Variants in HAO2 observed in about 807,000 individuals in gnomAD.
HAO2 encodes the protein hydroxyacid oxidase 2.
In HAO2, 42 loss-of-function variants were observed where a neutral mutation model predicts 37.4. That is an observed-to-expected ratio of 1.12 (90% CI 0.88 to 1.45). The LOEUF is 1.45. Among genes scored for constraint, HAO2 ranks in the 40% most tolerant of loss-of-function variants. The pLI is 0.00. For missense variants in HAO2, 476 were observed against 430.2 expected (o/e 1.11, Z -0.94); for synonymous variants, 180 against 162.8 (o/e 1.11, Z -0.81).
chr1:119,391,352 A>G (rs587773136), intron 5 of HAO2, among the ~76,000 whole-genome samples: 1 of 152,220 alleles, frequency 6.6e-6, no homozygotes, highest in East Asian at 1.9e-4. Flanking sequence ...ACTCCTCTTT[A>G]CAGACTTGTA....
chr1:119,387,326 A>G (rs1479602068), intron 5 of HAO2, among the ~76,000 whole-genome samples: 1 of 152,312 alleles, frequency 6.6e-6, no homozygotes, highest in East Asian at 1.9e-4. Flanking sequence ...GAGGGCAAGA[A>G]AGTGAGAGAA....
chr1:119,385,868 TG>T, intron 4 of HAO2: 1 of 985,022 alleles, frequency 1.0e-6, no homozygotes, highest in Non-Finnish European at 1.2e-6. Flanking sequence ...GATTTATAAA[TG>T]TTTGATGTAC....
intron 2 of HAO2, among the ~76,000 whole-genome samples, 174 bp downstream of exon 2, chr1:119,381,390 G>A (rs1166255900): frequency 6.6e-6 from 1 of 152,078 alleles, no homozygotes; most frequent in African/African-American, 2.4e-5. Flanking sequence ...GAGGGCTGAT[G>A]GGAAGATGGA....
chr1:119,378,239 C>G (rs1369171429), intron 1 of HAO2, among the ~76,000 whole-genome samples: 1 of 152,074 alleles, frequency 6.6e-6, no homozygotes, highest in Non-Finnish European at 1.5e-5. Flanking sequence ...GAGACTCCAT[C>G]TCAAAATAAA....
chr1:119,380,174 C>A (rs1163577178), intron 1 of HAO2, among the ~76,000 whole-genome samples: 1 of 152,132 alleles, frequency 6.6e-6, no homozygotes, highest in Non-Finnish European at 1.5e-5. Flanking sequence ...TAACTGAAAG[C>A]AACTAGTGTC....
At chr1:119,372,522 T>A (rs1306691248) in intron 1 of HAO2, among the ~76,000 whole-genome samples, 1 of 152,202 alleles carries the variant, frequency 6.6e-6, no homozygotes, top group Non-Finnish European at 1.5e-5. Context: ...AAGATTTCCC[T>A]GAGAAAGGCA....
At chr1:119,380,294 C>A (rs1460681603) in intron 1 of HAO2, among the ~76,000 whole-genome samples, 1 of 152,124 alleles carries the variant, frequency 6.6e-6, no homozygotes, top group Non-Finnish European at 1.5e-5. Context: ...TCAAAAGTAC[C>A]AAGCTCTGCG....
chr1:119,386,837 T>A lies in HAO2; in HGVS notation c.771+6T>A. The A allele has an allele frequency of 6.4e-7, 1 of 1,567,840 alleles. No individual in the cohort carries two copies. The highest frequency in any genetic ancestry group is 2.2e-5 in the East Asian group (1 of 44,574). ...TTGATGAGGTTCTTGCTTCAGTAAG[T>A]AGGATTACTTCAGAGAAGGGTGTGT... On this transcript the variant is annotated splice_donor_region_variant and intron_variant, in intron 5 of 7. Transcript: ENST00000325945.
intron 7 of HAO2, among the ~76,000 whole-genome samples, chr1:119,393,414 C>G (rs587726049): frequency 6.6e-6 from 1 of 152,296 alleles, no homozygotes; most frequent in South Asian, 2.1e-4. Flanking sequence ...CACCCCATCT[C>G]TTTTGCTATC....
At chr1:119,388,754 A>T (rs1650588456) in intron 5 of HAO2, among the ~76,000 whole-genome samples, 1 of 152,084 alleles carries the variant, frequency 6.6e-6, no homozygotes, top group Non-Finnish European at 1.5e-5. Context: ...ATTGTGTTCA[A>T]ACATCATTTA....
chr1:119,372,652 A>G (rs1254433395), intron 1 of HAO2, among the ~76,000 whole-genome samples: 1 of 152,228 alleles, frequency 6.6e-6, no homozygotes, highest in Non-Finnish European at 1.5e-5. Flanking sequence ...TACCTCTTGT[A>G]AAAGGGAATA....
At chr1:119,376,981 C>T (rs587741471) in intron 1 of HAO2, among the ~76,000 whole-genome samples, 47 of 152,302 alleles carry the variant, frequency 3.1e-4, no homozygotes, top group African/African-American at 1.1e-3. Flanking sequence ...ACATTTGGCT[C>T]CTCGTTACAT....
At chr1:119,381,364 G>GT in intron 2 of HAO2, 148 bp downstream of exon 2, 1 of 678,790 alleles carries the variant, frequency 1.5e-6, no homozygotes, top group Non-Finnish European at 2.6e-6. Flanking sequence ...GTTTTGGTTT[G>GT]TTAGGGCAGG....
intron 1 of HAO2, among the ~76,000 whole-genome samples, chr1:119,376,025 C>G (rs587719596): frequency 1.3e-5 from 2 of 152,166 alleles, no homozygotes; most frequent in Non-Finnish European, 2.9e-5. Context: ...ATTTCAAAAC[C>G]AATCATGCCT....
At chr1:119,376,862 C>T (rs1649511316) in intron 1 of HAO2, among the ~76,000 whole-genome samples, 2 of 152,184 alleles carry the variant, frequency 1.3e-5, no homozygotes, top group African/African-American at 4.8e-5. Context: ...CACAAAGCAG[C>T]AAGGCCCTGG....
intron 5 of HAO2, among the ~76,000 whole-genome samples, chr1:119,389,593 G>T (rs1650709322): frequency 6.7e-6 from 1 of 149,618 alleles, no homozygotes; most frequent in African/African-American, 2.4e-5. Flanking sequence ...TTTATTTTGA[G>T]AATTATCTAT....
intron 1 of HAO2, among the ~76,000 whole-genome samples, chr1:119,376,531 C>T (rs1159214202): frequency 6.6e-6 from 1 of 152,240 alleles, no homozygotes; most frequent in African/African-American, 2.4e-5. Context: ...CACAGCTCCA[C>T]TAGGCAGTGC....
chr1:119,394,094 A>T lies in HAO2; in HGVS notation c.*254A>T. ...TCTTGCCTAAATCTTCCTCTGAAGT[A>T]AAAGATCTCAAAAGGACAGATCATT... On this transcript the variant is annotated 3_prime_UTR_variant, in exon 8 of 8. Transcript: ENST00000325945. 8.1e-7 allele frequency: 1 copy of T among 1,233,382 alleles called. No individual in the cohort carries two copies. Among genetic ancestry groups the T allele is most frequent in the Non-Finnish European group, 1.0e-6 (1 of 957,984 alleles). 76.4% of individuals were successfully genotyped at this position (1,233,382 alleles called of 1,614,324 possible).
At chr1:119,386,959 T>C (rs963388602) in intron 5 of HAO2, 128 bp downstream of exon 5, 3 of 656,646 alleles carry the variant, frequency 4.6e-6, no homozygotes, top group East Asian at 2.6e-5. Context: ...TGTGTTGGTA[T>C]GTATCTGTGA....
Sources: gnomAD v4.1 joint callset for allele counts (sites outside exome capture counted in the v4.1 genomes callset) on GRCh38, gnomAD v4.1.1 for gene constraint, MANE v1.5 for transcripts, NCBI Gene and HGNC (gene_info 2026-07-23, HGNC 2026-07-21) for gene names.